Variants in CNTNAP2 observed in about 807,000 individuals in gnomAD.
CNTNAP2 encodes the protein contactin associated protein 2, also known as contactin-associated protein-like 2.
Under a neutral mutation model 155.2 loss-of-function variants are expected in CNTNAP2, and 98 were observed. The ratio of observed to expected loss-of-function variants is 0.63; its 90% CI spans 0.54 to 0.75. The LOEUF (loss-of-function observed/expected upper bound fraction) is 0.75. CNTNAP2 is among the 30% of genes least tolerant of loss of function. CNTNAP2 has a pLI of 0.00. For missense variants in CNTNAP2, 1,727 were observed against 1,688.1 expected (o/e 1.02, Z -0.40); for synonymous variants, 651 against 631.2 (o/e 1.03, Z -0.47).
Position 148,416,592 on chromosome 7 carries a change from T to G in CNTNAP2, c.*976T>G, listed in dbSNP as rs1360422274. 6.5e-6 allele frequency: 1 copy of G among 152,690 alleles called. No individual in the cohort carries two copies. Among genetic ancestry groups the G allele is most frequent in the Non-Finnish European group, 1.5e-5 (1 of 68,060 alleles). 9.5% of individuals were successfully genotyped at this position (152,690 alleles called of 1,614,324 possible). On this transcript the variant is annotated 3_prime_UTR_variant, in exon 24 of 24. Transcript: ENST00000361727. ...GTGAATGCATAAATTAGGTTGCGTTTCTTATTTTGCTTTAAATCTCTGGTA... is the reference window on the plus strand; with the variant it reads ...GTGAATGCATAAATTAGGTTGCGTTGCTTATTTTGCTTTAAATCTCTGGTA...
chr7:147,949,460 T>TATATATATATA (rs60849459), intron 14 of CNTNAP2, among the ~76,000 whole-genome samples: 9 of 92,128 alleles, frequency 9.8e-5, no homozygotes, highest in South Asian at 8.3e-4. Context: ...ATATATATAT[T>TATATATATATA]TTTTTTTTTT....
intron 21 of CNTNAP2, among the ~76,000 whole-genome samples, chr7:148,286,633 G>A (rs942840217): frequency 2.6e-5 from 4 of 151,866 alleles, no homozygotes; most frequent in African/African-American, 4.8e-5. Context: ...TAACTATTAC[G>A]GTTATTTTAT....
At chr7:147,492,613 A>G (rs1438550654) in intron 11 of CNTNAP2, among the ~76,000 whole-genome samples, 1 of 152,220 alleles carries the variant, frequency 6.6e-6, no homozygotes, top group Admixed American at 6.5e-5. Flanking sequence ...ATGTCAAACC[A>G]TCAGATCCTT....
chr7:148,355,817 G>A (rs947385072), intron 21 of CNTNAP2, among the ~76,000 whole-genome samples: 6 of 152,206 alleles, frequency 3.9e-5, no homozygotes, highest in Non-Finnish European at 5.9e-5. Context: ...AGGTCTGTCT[G>A]TATCACAAAG....
intron 11 of CNTNAP2, among the ~76,000 whole-genome samples, chr7:147,497,663 T>C (rs1798732736): frequency 6.6e-6 from 1 of 152,192 alleles, no homozygotes; most frequent in African/African-American, 2.4e-5. Context: ...TGGCTATCTG[T>C]TGCTGAGTTA....
chr7:146,949,232 C>A (rs1200457710), intron 3 of CNTNAP2, among the ~76,000 whole-genome samples: 1 of 152,234 alleles, frequency 6.6e-6, no homozygotes, highest in East Asian at 1.9e-4. Flanking sequence ...TTTATTGTGA[C>A]ATTAAGATAG....
chr7:147,536,343 C>T (rs971012272), intron 11 of CNTNAP2, among the ~76,000 whole-genome samples: 1 of 152,270 alleles, frequency 6.6e-6, no homozygotes, highest in East Asian at 1.9e-4. Context: ...AAGTCCCTGC[C>T]CTCTTGAAAC....
chr7:147,853,686 A>G (rs1400795848), intron 13 of CNTNAP2, among the ~76,000 whole-genome samples: 1 of 152,234 alleles, frequency 6.6e-6, no homozygotes, highest in Non-Finnish European at 1.5e-5. Flanking sequence ...AACCATTGCC[A>G]TAAAATTTAA....
intron 14 of CNTNAP2, among the ~76,000 whole-genome samples, chr7:147,907,643 T>C (rs1799986630): frequency 1.3e-5 from 2 of 152,152 alleles, no homozygotes; most frequent in Non-Finnish European, 2.9e-5. Flanking sequence ...TCTCTGAAAT[T>C]TAATTTATTA....
At chr7:146,311,087 A>G (rs975915473) in intron 1 of CNTNAP2, among the ~76,000 whole-genome samples, 1 of 152,196 alleles carries the variant, frequency 6.6e-6, no homozygotes, top group Non-Finnish European at 1.5e-5. Flanking sequence ...AAAAAAATCA[A>G]TTCATTGTGA....
rs57140064 is a variant in CNTNAP2 at position 146,227,781 on chromosome 7, G to GC, written c.97+110809dup. On this transcript the variant is annotated intron_variant, in intron 1 of 23. Coordinates refer to ENST00000361727, the MANE Select transcript of CNTNAP2 (RefSeq NM_014141.6). ...GCATCCATGATAATTTACATTTTCA[G>GC]CTGCATGTTATGCATGGCTGTTGAT... Among the ~76,000 whole-genome samples, 1,383 of 152,264 alleles carry GC rather than the reference G, an allele frequency of 9.1e-3. 25 individuals carry two copies. The highest frequency in any genetic ancestry group is 0.03 in the African/African-American group (1,244 of 41,544).
chr7:148,074,039 A>T (rs1453525856), intron 15 of CNTNAP2, among the ~76,000 whole-genome samples: 1 of 152,178 alleles, frequency 6.6e-6, no homozygotes, highest in Non-Finnish European at 1.5e-5. Context: ...GAAGTTTCAG[A>T]CATTCACTGG....
chr7:146,401,247 G>C (rs937313945), intron 1 of CNTNAP2, among the ~76,000 whole-genome samples: 1 of 152,074 alleles, frequency 6.6e-6, no homozygotes, highest in East Asian at 1.9e-4. Context: ...GCTGAGGATT[G>C]TATTTATTTC....
chr7:147,208,370 T>C (rs1235509216), intron 8 of CNTNAP2, among the ~76,000 whole-genome samples: 1 of 152,114 alleles, frequency 6.6e-6, no homozygotes, highest in Non-Finnish European at 1.5e-5. Flanking sequence ...TTGTTCAAAA[T>C]GCAATTATCT....
intron 8 of CNTNAP2, among the ~76,000 whole-genome samples, chr7:147,140,613 C>A (rs1000713192): frequency 1.6e-4 from 24 of 152,026 alleles, no homozygotes; most frequent in African/African-American, 5.3e-4. Context: ...CCTATTGCTT[C>A]TTGGAATGCA....
intron 10 of CNTNAP2, among the ~76,000 whole-genome samples, chr7:147,426,189 A>T (rs730474): frequency 0.64 from 95,392 of 148,360 alleles, 30,861 homozygotes; most frequent in African/African-American, 0.8. Context: ...GTGCTTTTTT[A>T]TTTTTTTAAA....
At chr7:147,960,987 T>A (rs2116842735) in intron 14 of CNTNAP2, among the ~76,000 whole-genome samples, 1 of 152,312 alleles carries the variant, frequency 6.6e-6, no homozygotes, top group Non-Finnish European at 1.5e-5. Context: ...ACAAAAATTA[T>A]ATACAAAGAG....
At chr7:147,351,264 A>G (rs551569133) in intron 9 of CNTNAP2, among the ~76,000 whole-genome samples, 1 of 151,946 alleles carries the variant, frequency 6.6e-6, no homozygotes, top group Admixed American at 6.6e-5. Context: ...CTAATAATGT[A>G]GAAAAAAAAT....
chr7:146,874,066 T>C (rs948874550), intron 3 of CNTNAP2, among the ~76,000 whole-genome samples: 2 of 152,022 alleles, frequency 1.3e-5, no homozygotes, highest in Non-Finnish European at 2.9e-5. Context: ...AAGGATCAAT[T>C]TGATGCATCA....
Sources: gnomAD v4.1 joint callset for allele counts (sites outside exome capture counted in the v4.1 genomes callset) on GRCh38, gnomAD v4.1.1 for gene constraint, MANE v1.5 for transcripts, NCBI Gene and HGNC (gene_info 2026-07-23, HGNC 2026-07-21) for gene names.